Variants in PCDHGB6 observed in about 807,000 individuals in gnomAD.
The protein encoded by PCDHGB6 is protocadherin gamma-B6.
In PCDHGB6, 51 loss-of-function variants were observed where a neutral mutation model predicts 59.1. The ratio of observed to expected loss-of-function variants is 0.86; its 90% CI spans 0.69 to 1.09. The LOEUF (loss-of-function observed/expected upper bound fraction) is 1.09, where lower values mean the gene tolerates loss of function less well. Ranked by LOEUF, PCDHGB6 falls within the 50% of genes least tolerant of loss-of-function variation. The pLI is 0.00. For synonymous variants in PCDHGB6, 466 were observed against 495.1 expected (o/e 0.94, Z 0.78); for missense variants, 1,148 against 1,205.1 (o/e 0.95, Z 0.70).
At chr5:141,422,604 T>C in intron 1 of PCDHGB6, 1 of 1,614,030 alleles carries the variant, frequency 6.2e-7, no homozygotes, top group Non-Finnish European at 8.5e-7. Flanking sequence ...CCTCTTACTC[T>C]GCCTACATTC....
rs940700383 is a variant in PCDHGB6 at position 141,409,602 on chromosome 5, C to T, written c.1400C>T (p.Pro467Leu). 1 of 1,613,932 alleles carries T rather than the reference C, an allele frequency of 6.2e-7. No homozygotes were observed. Among genetic ancestry groups the T allele is most frequent in the South Asian group, 1.1e-5 (1 of 91,088 alleles). The change falls in exon 1 of 4, where the codon CCA (proline) becomes CTA (leucine). Residue 467 changes from proline (P) to leucine (L), a missense_variant. Coordinates refer to ENST00000520790, the MANE Select transcript of PCDHGB6 (RefSeq NM_018926.3). ...YVVHVAENNP[P>L]GASIAQVSAS... ...GTCCACGTGGCCGAGAACAACCCGCCAGGAGCCTCCATTGCGCAAGTGAGC... is the reference window on the plus strand; with the variant it reads ...GTCCACGTGGCCGAGAACAACCCGCTAGGAGCCTCCATTGCGCAAGTGAGC...
rs562156266 is a variant in PCDHGB6, at chr5:141,467,826, T to C, written c.2419-26981T>C. On this transcript the variant is annotated intron_variant, in intron 1 of 3. Transcript: ENST00000520790. ...GGCACATGCCACCACACCAGGCTGA[T>C]TTTTATATTTTTTTGTAGAATGAGA... Among the ~76,000 whole-genome samples, 96 of 151,894 alleles carry C rather than the reference T, an allele frequency of 6.3e-4. 3 individuals carry two copies. Among genetic ancestry groups the C allele is most frequent in the Admixed American group, 6.2e-3 (95 of 15,236 alleles).
At chr5:141,453,175 A>G (rs928062909) in intron 1 of PCDHGB6, among the ~76,000 whole-genome samples, 2 of 152,088 alleles carry the variant, frequency 1.3e-5, no homozygotes, top group African/African-American at 4.8e-5. Context: ...GTCCAGTGGT[A>G]CAATCACAGC....
In PCDHGB6 at chr5:141,489,456, G is replaced by A. The variant is rs1468723020; in HGVS notation, c.2419-5351G>A. The A allele has an allele frequency of 1.2e-6, 2 of 1,614,050 alleles. No homozygotes were observed. Among genetic ancestry groups the A allele is most frequent in the Non-Finnish European group, 1.7e-6 (2 of 1,180,016 alleles). ...TGCAATTGGGCTCTGAGGAGAATGG[G>A]CGCTATTTTTCCCTGAGCTTGATGA... On this transcript the variant is annotated intron_variant, in intron 1 of 3. Transcript: ENST00000520790. This position sits in a 1 kb window ranked among gnomAD's most constrained non-coding sequence, Gnocchi z 4.5.
At chr5:141,457,820 C>CTCAG (rs2098930320) in intron 1 of PCDHGB6, among the ~76,000 whole-genome samples, 1 of 152,198 alleles carries the variant, frequency 6.6e-6, no homozygotes, top group African/African-American at 2.4e-5. Flanking sequence ...CCAAGATAAA[C>CTCAG]TCAGAGCTTC....
intron 1 of PCDHGB6, among the ~76,000 whole-genome samples, chr5:141,459,109 C>A (rs1213203625): frequency 6.6e-6 from 1 of 152,174 alleles, no homozygotes; most frequent in Non-Finnish European, 1.5e-5. Context: ...TGCATTTTGA[C>A]AATTGTTTAC....
At chr5:141,433,604 G>A (rs2097631609) in intron 1 of PCDHGB6, among the ~76,000 whole-genome samples, 1 of 152,138 alleles carries the variant, frequency 6.6e-6, no homozygotes, top group Non-Finnish European at 1.5e-5. Flanking sequence ...GGGAGGCCGA[G>A]GCGGGTGGAT....
In PCDHGB6 at chr5:141,476,178, T is replaced by G; in HGVS notation, c.2419-18629T>G. Reference sequence around the variant, plus strand: ...ACCGGGAGGGTAGTGGGAGTTTTGCTTCTGCTTGGTGCCTTGAACAAGGCT... The same window carrying G: ...ACCGGGAGGGTAGTGGGAGTTTTGCGTCTGCTTGGTGCCTTGAACAAGGCT... On this transcript the variant is annotated intron_variant, in intron 1 of 3. Transcript: ENST00000520790. This position sits in a 1 kb window ranked among gnomAD's most constrained non-coding sequence, Gnocchi z 7.6. The G allele has an allele frequency of 3.1e-6, 5 of 1,613,632 alleles. No homozygotes were observed. Among genetic ancestry groups the G allele is most frequent in the Non-Finnish European group, 4.2e-6 (5 of 1,180,000 alleles).
chr5:141,450,948 C>T (rs1250110393), intron 1 of PCDHGB6, among the ~76,000 whole-genome samples: 2 of 151,870 alleles, frequency 1.3e-5, no homozygotes, highest in East Asian at 3.9e-4. Flanking sequence ...CCTCAGCCTC[C>T]CAAGTAGCTG....
At chr5:141,415,473 C>T in intron 1 of PCDHGB6, 2 of 1,614,224 alleles carry the variant, frequency 1.2e-6, no homozygotes, top group Non-Finnish European at 1.7e-6. Flanking sequence ...TCACCGCGGA[C>T]TCGCGAAAGA....
chr5:141,419,877 C>G (rs1272137716), intron 1 of PCDHGB6: 24 of 1,614,062 alleles, frequency 1.5e-5, no homozygotes, highest in Non-Finnish European at 1.9e-5. Flanking sequence ...GAGGTACTGC[C>G]GGATTTCAGC....
intron 1 of PCDHGB6, among the ~76,000 whole-genome samples, chr5:141,450,313 T>G (rs2098676929): frequency 6.6e-6 from 1 of 152,172 alleles, no homozygotes; most frequent in Middle Eastern, 3.4e-3. Context: ...ATGTGTGGCC[T>G]AGTTGCCATG....
chr5:141,476,929 G>T lies in PCDHGB6; in HGVS notation c.2419-17878G>T, dbSNP rs1375082202. 6.2e-7 allele frequency: 1 copy of T among 1,614,136 alleles called. No homozygotes were observed. Among genetic ancestry groups the T allele is most frequent in the Admixed American group, 1.7e-5 (1 of 60,034 alleles). On this transcript the variant is annotated intron_variant, in intron 1 of 3. Transcript: ENST00000520790. This position sits in a 1 kb window ranked among gnomAD's most constrained non-coding sequence, Gnocchi z 7.6. ...TGGTACAAGTCCTTGCAACGGATCT[G>T]GATGAAGGCCCCAACGGTGAAATTA...
intron 1 of PCDHGB6, chr5:141,492,005 C>A (rs1444993907): frequency 3.1e-6 from 2 of 642,268 alleles, no homozygotes; most frequent in African/African-American, 3.8e-5. Flanking sequence ...GGGCGATTTC[C>A]GCGGGTGTCG....
In PCDHGB6 at chr5:141,460,999, G is replaced by GTA. The variant is rs1350972422; in HGVS notation, c.2419-33797_2419-33796dup. Reference sequence around the variant, plus strand: ...TGTGTGTGTGTATATATATATATGTGTATATATATATACCACATTTTCTTT... The same window carrying GTA: ...TGTGTGTGTGTATATATATATATGTGTATATATATATATACCACATTTTCTTT... On this transcript the variant is annotated intron_variant, in intron 1 of 3. Coordinates refer to ENST00000520790, the MANE Select transcript of PCDHGB6 (RefSeq NM_018926.3). Among the ~76,000 whole-genome samples, 54 of 149,566 alleles carry GTA rather than the reference G, an allele frequency of 3.6e-4. No homozygotes were observed. The South Asian group carries it at 4.2e-3, about 12-fold the overall frequency.
chr5:141,453,022 T>C (rs1222692572), intron 1 of PCDHGB6, among the ~76,000 whole-genome samples: 1 of 152,230 alleles, frequency 6.6e-6, no homozygotes, highest in Non-Finnish European at 1.5e-5. Flanking sequence ...ATGTGATTCA[T>C]TAAAATAAAG....
chr5:141,451,536 G>A (rs1183287437), intron 1 of PCDHGB6, among the ~76,000 whole-genome samples: 1 of 152,202 alleles, frequency 6.6e-6, no homozygotes, highest in Non-Finnish European at 1.5e-5. Context: ...GAGAGTGCCA[G>A]AGAGGGCAAA....
At position 141,410,268 on chromosome 5, in the gene PCDHGB6, A is replaced by C; in HGVS notation, c.2066A>C (p.Gln689Pro). The change falls in exon 1 of 4, where the codon CAG becomes CCG. Residue 689 changes from glutamine (Q) to proline (P), a missense_variant. This residue lies in a region of PCDHGB6 where 283 missense variants were observed against 318.6 expected (regional missense o/e 0.89). Coordinates refer to ENST00000520790, the MANE Select transcript of PCDHGB6 (RefSeq NM_018926.3). The part of the protein sequence containing the change: ...PVLSDPQAEL[Q>P]FYLVVALALI... ...CTCTCTGACCCCCAGGCTGAACTGC[A>C]GTTTTACCTGGTGGTGGCCTTGGCC... 6.2e-7 allele frequency: 1 copy of C among 1,613,994 alleles called. No homozygotes were observed.
intron 1 of PCDHGB6, among the ~76,000 whole-genome samples, chr5:141,433,378 T>C (rs1246585250): frequency 6.6e-5 from 10 of 151,072 alleles, no homozygotes. Context: ...TATCTATCTA[T>C]CTATCTATCT....
Sources: allele counts gnomAD v4.1 joint callset (sites outside exome capture counted in the v4.1 genomes callset), GRCh38; gene constraint gnomAD v4.1.1; regional missense constraint gnomAD v4.1.1; non-coding constraint Gnocchi (gnomAD v3.1); transcripts MANE v1.5; gene names NCBI Gene and HGNC (gene_info 2026-07-23, HGNC 2026-07-21).